The following MEGF8 variants were observed in gnomAD, a reference collection of about 807,000 sequenced individuals.
MEGF8 encodes the protein multiple epidermal growth factor-like domains protein 8.
In MEGF8, 156 loss-of-function variants were observed where a neutral mutation model predicts 302.9. The ratio of observed to expected loss-of-function variants is 0.52; its 90% CI spans 0.45 to 0.59. The LOEUF is 0.59. MEGF8 is among the 20% of genes least tolerant of loss of function. The pLI is 0.00. For missense variants in MEGF8, 3,345 were observed against 3,964.5 expected, an observed-to-expected ratio of 0.84 and a Z score of 4.20; for synonymous variants, 1,621 against 1,660.5, an observed-to-expected ratio of 0.98 and a Z score of 0.58.
chr19:42,375,954 G>T lies in MEGF8; in HGVS notation c.7717G>T (p.Gly2573Cys). The change falls in exon 42 of 42, where the codon GGC (glycine) becomes TGC (cysteine). Residue 2573 changes from glycine (G) to cysteine (C), a missense_variant. Transcript: ENST00000251268. The surrounding 1 kb of genome is among the most constrained non-coding windows in gnomAD (Gnocchi z 7.1). ...EPRVREVWPRGLITYVTVTEP... is the reference protein window; with the variant it reads ...EPRVREVWPRCLITYVTVTEP... The stretch of plus-strand genomic sequence containing the variant: ...ACGGGTACGGGAGGTATGGCCGCGG[G>T]GCCTGATTACCTACGTGACGGTGAC... 1 of 1,606,290 alleles carries T rather than the reference G, an allele frequency of 6.2e-7. No homozygotes were observed.
chr19:42,328,140 G>T (rs1421104892), intron 1 of MEGF8, among the ~76,000 whole-genome samples: 1 of 152,214 alleles, frequency 6.6e-6, no homozygotes, highest in Admixed American at 6.5e-5. Context: ...AGAGGCTGCA[G>T]GGTGGGAGGA....
rs372400905 is a variant in MEGF8 at position 42,343,471 on chromosome 19, C to T, written c.1514-6C>T. The T allele has an allele frequency of 6.3e-7, 1 of 1,594,800 alleles. No homozygotes were observed. The highest frequency in any genetic ancestry group is 8.6e-7 in the Non-Finnish European group (1 of 1,166,130). ...AATAATGTCATTGGGGTCTCTATTC[C>T]CCTAGGCCGAGCAGCGCCTCCCAGT... On this transcript the variant is annotated splice_polypyrimidine_tract_variant and splice_region_variant and intron_variant, in intron 8 of 41. Coordinates refer to ENST00000251268, the MANE Select transcript of MEGF8 (RefSeq NM_001271938.2).
rs1306791251 is a variant in MEGF8 at position 42,370,442 on chromosome 19, A to G, written c.7005+83A>G. The G allele has an allele frequency of 2.0e-5, 24 of 1,225,920 alleles. No homozygotes were observed. The South Asian group carries it at 3.3e-4, about 17-fold the overall frequency. 75.9% of individuals were successfully genotyped at this position (1,225,920 alleles called of 1,614,324 possible). A position where few individuals can be genotyped will look rare whatever the true frequency, so the allele number is the denominator to read the frequency against. On this transcript the variant is annotated intron_variant, in intron 39 of 41. Transcript: ENST00000251268. ...GGTCTGAGGGAGGAGGGGGCTGGAG[A>G]CCTGGACCCTTGGGTTGAGGGAGGA...
At chr19:42,355,241 G>C (rs1013077409) in intron 23 of MEGF8, among the ~76,000 whole-genome samples, 1 of 151,734 alleles carries the variant, frequency 6.6e-6, no homozygotes, top group African/African-American at 2.4e-5. Flanking sequence ...ACAGACATAA[G>C]CTGCTGCGCC....
rs1218914256 is a variant in MEGF8, at chr19:42,351,743, A to G, written c.3083A>G (p.Asp1028Gly). The change falls in exon 18 of 42, where the codon GAC becomes GGC. Residue 1028 changes from aspartate (D) to glycine (G), a missense_variant. Transcript: ENST00000251268. This position sits in a 1 kb window ranked among gnomAD's most constrained non-coding sequence, Gnocchi z 5.6. The part of the protein sequence containing the change: ...SHECGWCGNE[D>G]NPTLGRCLQG... ...GAGTGTGGCTGGTGTGGCAATGAGG[A>G]CAACCCCACACTGGGACGGTGAGCC... The G allele has an allele frequency of 5.1e-6, 8 of 1,581,022 alleles. No individual in the cohort carries two copies. In the Admixed American group the frequency reaches 1.1e-4, roughly 22 times the overall value.
chr19:42,336,459 C>A lies in MEGF8; in HGVS notation c.1244+113C>A. Reference sequence around the variant, plus strand: ...TGTCGGACTCCTGTGGTCTCTCAGTCACTCCTTCCTTCATGTATTTACTTA... The same window carrying A: ...TGTCGGACTCCTGTGGTCTCTCAGTAACTCCTTCCTTCATGTATTTACTTA... On this transcript the variant is annotated intron_variant, in intron 6 of 41. Coordinates refer to ENST00000251268, the MANE Select transcript of MEGF8 (RefSeq NM_001271938.2). The surrounding 1 kb of genome is among the most constrained non-coding windows in gnomAD (Gnocchi z 4.8). The A allele has an allele frequency of 9.2e-7, 1 of 1,081,496 alleles. No homozygotes were observed. Among genetic ancestry groups the A allele is most frequent in the Non-Finnish European group, 1.3e-6 (1 of 776,702 alleles). The allele number at this position is 1,081,496 out of a possible 1,614,324, so 67.0% of individuals were successfully genotyped here. A position where few individuals can be genotyped will look rare whatever the true frequency, so the allele number is the denominator to read the frequency against.
Position 42,357,616 on chromosome 19 carries a change from C to T in MEGF8, c.5011+32C>T, listed in dbSNP as rs778089717. On this transcript the variant is annotated intron_variant, in intron 28 of 41. Coordinates refer to ENST00000251268, the MANE Select transcript of MEGF8 (RefSeq NM_001271938.2). The surrounding 1 kb of genome is among the most constrained non-coding windows in gnomAD (Gnocchi z 5.2). ...CTGGGGACCGGGAGGGGACAGCCCC[C>T]GTGGACCTCCCGGGCATCTGGGCTT... 3.7e-5 allele frequency: 58 copies of T among 1,548,806 alleles called. 1 individual carries two copies. The highest frequency in any genetic ancestry group is 1.7e-4 in the Middle Eastern group (1 of 5,762).
In MEGF8 at chr19:42,344,423, C is replaced by T. The variant is rs754448756; in HGVS notation, c.1789-18C>T. The T allele has an allele frequency of 2.6e-6, 4 of 1,568,490 alleles. No individual in the cohort carries two copies. Among genetic ancestry groups the T allele is most frequent in the Non-Finnish European group, 3.4e-6 (4 of 1,163,096 alleles). ...AGCTCCAGTTGACAGTGAGCCCTTT[C>T]CCCTCTCCTCCTCGCAGTGTCCAGC... is the stretch of plus-strand genomic sequence containing the variant. On this transcript the variant is annotated intron_variant, in intron 10 of 41. Transcript: ENST00000251268. The surrounding 1 kb of genome is among the most constrained non-coding windows in gnomAD (Gnocchi z 4.5).
chr19:42,329,343 G>A (rs1267204180), intron 1 of MEGF8, among the ~76,000 whole-genome samples: 3 of 152,146 alleles, frequency 2.0e-5, no homozygotes, highest in African/African-American at 7.2e-5. Flanking sequence ...TGGCAAGAGA[G>A]GATGAGTTCC....
chr19:42,335,901 C>G (rs2039120852), intron 5 of MEGF8, 30 bp from the exon 6 acceptor site: 2 of 1,447,580 alleles, frequency 1.4e-6, no homozygotes, highest in Non-Finnish European at 1.8e-6. Flanking sequence ...TGCTGTGTCT[C>G]TACCTCTGTC....
intron 8 of MEGF8, among the ~76,000 whole-genome samples, chr19:42,342,223 C>T (rs912700352): frequency 1.3e-5 from 2 of 152,216 alleles, no homozygotes; most frequent in African/African-American, 4.8e-5. Context: ...AAGTCCCACA[C>T]GTTTACAGTG....
Position 42,334,069 on chromosome 19 carries a change from C to T in MEGF8, c.414C>T (p.Arg138=), listed in dbSNP as rs949018138. The stretch of plus-strand genomic sequence containing the variant: ...TGCTGGGCTTTAACGCCTCATTCCG[C>T]TTCTCCCTGTGCCCGGGTGGCTGCC... ...YNLLGFNASF[R]FSLCPGGCQS... The change falls in exon 3 of 42, where the codon CGC becomes CGT. Residue 138 remains arginine (R), a synonymous_variant. Transcript: ENST00000251268. The T allele has an allele frequency of 6.2e-7, 1 of 1,613,834 alleles. No individual in the cohort carries two copies. The highest frequency in any genetic ancestry group is 8.5e-7 in the Non-Finnish European group (1 of 1,179,858).
chr19:42,362,323 A>G, intron 33 of MEGF8, 61 bp from the exon 34 acceptor site: 1 of 1,610,976 alleles, frequency 6.2e-7, no homozygotes, highest in South Asian at 1.1e-5. Context: ...GGAACCACCG[A>G]GTTCTCAGCT....
rs2039774574 is a variant in MEGF8 at position 42,376,626 on chromosome 19, G to A, written c.8389G>A (p.Ala2797Thr). 7 of 1,543,458 alleles carry A rather than the reference G, an allele frequency of 4.5e-6. No individual in the cohort carries two copies. The highest frequency in any genetic ancestry group is 2.4e-5 in the East Asian group (1 of 41,042). ...TGGCGGGCCCCATGCACCCAACGGC[G>A]CCTGCCTGGGGTCAGCCCTCGTCAC... ...LPGGPHAPNG[A>T]CLGSALVTLR... Residue 2797 changes from alanine (A) to threonine (T), a missense_variant, in exon 42 of 42, where the codon GCC (alanine) becomes ACC (threonine). Ala to Thr is a moderately conservative substitution (Grantham distance 58). Transcript: ENST00000251268. The surrounding 1 kb of genome is among the most constrained non-coding windows in gnomAD (Gnocchi z 8.2).
At chr19:42,337,355 A>G (rs2039142341) in intron 8 of MEGF8, 149 bp downstream of exon 8, 1 of 1,067,152 alleles carries the variant, frequency 9.4e-7, no homozygotes, top group African/African-American at 1.6e-5. Context: ...TGGGATGGAG[A>G]TGGGACTAGG....
At chr19:42,350,466 G>C in intron 15 of MEGF8, 82 bp downstream of exon 15, 1 of 1,275,908 alleles carries the variant, frequency 7.8e-7, no homozygotes, top group Non-Finnish European at 1.0e-6. Flanking sequence ...CCCCTGGTGG[G>C]GGGTGTGGGG....
chr19:42,359,077 C>T lies in MEGF8; in HGVS notation c.5344-21C>T, dbSNP rs765689108. On this transcript the variant is annotated intron_variant, in intron 30 of 41. Transcript: ENST00000251268. ...GCTCTGACAGGCTGTCCTGTCCCCC[C>T]ACCCCCCGTCTCCCCAACAGCCCCG... 4.8e-5 allele frequency: 73 copies of T among 1,507,686 alleles called. No homozygotes were observed. The South Asian group carries it at 8.1e-4, about 17-fold the overall frequency. 93.4% of individuals were successfully genotyped at this position (1,507,686 alleles called of 1,614,324 possible). A position where few individuals can be genotyped will look rare whatever the true frequency, so the allele number is the denominator to read the frequency against.
At chr19:42,331,122 G>T (rs1211937116) in intron 1 of MEGF8, among the ~76,000 whole-genome samples, 3 of 152,148 alleles carry the variant, frequency 2.0e-5, no homozygotes, top group East Asian at 1.9e-4. Context: ...GGGCAGCCAG[G>T]GCACACTCTG....
chr19:42,353,114 C>T lies in MEGF8; in HGVS notation c.3537C>T (p.Cys1179=), dbSNP rs1192608451. The T allele has an allele frequency of 2.6e-6, 4 of 1,546,154 alleles. No individual in the cohort carries two copies. The highest frequency in any genetic ancestry group is 3.5e-6 in the Non-Finnish European group (4 of 1,145,422). Residue 1179 remains cysteine, a synonymous_variant, in exon 20 of 42, where the codon TGC becomes TGT. Coordinates refer to ENST00000251268, the MANE Select transcript of MEGF8 (RefSeq NM_001271938.2). The surrounding 1 kb of genome is among the most constrained non-coding windows in gnomAD (Gnocchi z 6.1). The part of the protein sequence containing the change: ...SHCRKRGPGF[C]DECQDWTWGE... ...GCCGCAAGCGGGGCCCTGGCTTCTG[C>T]GACGAGTGCCAGGGTAAGCAGCCCT...
Sources: allele counts gnomAD v4.1 joint callset (sites outside exome capture counted in the v4.1 genomes callset), GRCh38; gene constraint gnomAD v4.1.1; non-coding constraint Gnocchi (gnomAD v3.1); transcripts MANE v1.5; gene names NCBI Gene and HGNC (gene_info 2026-07-23, HGNC 2026-07-21).